The following TTC7B variants were observed in gnomAD, a reference collection of about 807,000 sequenced individuals.
The protein encoded by TTC7B is tetratricopeptide repeat protein 7B.
A neutral mutation model predicts 106.8 loss-of-function variants in TTC7B; 28 were observed. That is an observed-to-expected ratio of 0.26 (90% CI 0.19 to 0.36). The LOEUF (loss-of-function observed/expected upper bound fraction) is 0.36. Among genes scored for constraint, TTC7B ranks in the 10% least tolerant of loss-of-function variants. The pLI is 1.00. For synonymous variants in TTC7B, 405 were observed against 430.6 expected, an observed-to-expected ratio of 0.94 and a Z score of 0.74; for missense variants, 862 against 1,076.4, an observed-to-expected ratio of 0.80 and a Z score of 2.79.
chr14:90,682,635 C>A (rs757130450), intron 7 of TTC7B, among the ~76,000 whole-genome samples: 2 of 152,172 alleles, frequency 1.3e-5, no homozygotes, highest in Admixed American at 6.5e-5. Context: ...GGGGGAGATA[C>A]TGGGGTACCC....
At position 90,529,988 on chromosome 14, in the gene TTC7B, G is replaced by A. The variant is rs1889244049; in HGVS notation, c.*11380C>T. 1 of 152,198 alleles carries A rather than the reference G, an allele frequency of 6.6e-6. No homozygotes were observed. The highest frequency in any genetic ancestry group is 1.5e-5 in the Non-Finnish European group (1 of 68,042). 9.4% of individuals were successfully genotyped at this position (152,198 alleles called of 1,614,324 possible). A position where few individuals can be genotyped will look rare whatever the true frequency, so the allele number is the denominator to read the frequency against. On this transcript the variant is annotated 3_prime_UTR_variant, in exon 20 of 20. Transcript: ENST00000328459. Reference sequence around the variant, plus strand: ...TTCATTAAATATCTATACTTGGCTGGGCGCTGTGGCTCACGCCTGTAAGTA... The same window carrying A: ...TTCATTAAATATCTATACTTGGCTGAGCGCTGTGGCTCACGCCTGTAAGTA...
chr14:90,587,734 C>T (rs1198275084), intron 18 of TTC7B, among the ~76,000 whole-genome samples: 1 of 152,218 alleles, frequency 6.6e-6, no homozygotes, highest in East Asian at 1.9e-4. Flanking sequence ...GACTCCAGTG[C>T]CTCGCTCCAC....
At chr14:90,558,529 C>T (rs1055817199) in intron 19 of TTC7B, among the ~76,000 whole-genome samples, 2 of 152,276 alleles carry the variant, frequency 1.3e-5, no homozygotes, top group Non-Finnish European at 2.9e-5. Context: ...TCCCCCATCA[C>T]TGCCAGGGTT....
Position 90,572,535 on chromosome 14 carries a change from C to T in TTC7B, c.2310+5571G>A, listed in dbSNP as rs144017382. Among the ~76,000 whole-genome samples the T allele has an allele frequency of 5.1e-3, 774 of 152,304 alleles. 3 individuals carry two copies. The highest frequency in any genetic ancestry group is 0.014 in the Middle Eastern group (4 of 294). ...ACTAATGTAGTCCCTTGAAATAGAA[C>T]GGCAGAGCCAGTCCTCAAGTTTTTA... On this transcript the variant is annotated intron_variant, in intron 19 of 19. Coordinates refer to ENST00000328459, the MANE Select transcript of TTC7B (RefSeq NM_001010854.2).
chr14:90,584,671 A>G (rs1434233610), intron 18 of TTC7B, among the ~76,000 whole-genome samples: 1 of 151,236 alleles, frequency 6.6e-6, no homozygotes, highest in Non-Finnish European at 1.5e-5. Flanking sequence ...TGCGCCTGGC[A>G]GAGAAACGTG....
intron 19 of TTC7B, among the ~76,000 whole-genome samples, chr14:90,573,524 G>A (rs1410525165): frequency 8.8e-5 from 11 of 124,964 alleles, no homozygotes; most frequent in Non-Finnish European, 3.4e-5. Context: ...TCCGGCTCAC[G>A]GTCTCTCTCA....
chr14:90,602,449 C>A (rs1027908848), intron 17 of TTC7B, among the ~76,000 whole-genome samples: 1 of 152,214 alleles, frequency 6.6e-6, no homozygotes, highest in Admixed American at 6.5e-5. Flanking sequence ...CGCCTGTAAT[C>A]CCAGCATTTT....
chr14:90,767,043 A>G (rs1426927829), intron 3 of TTC7B: 2,293 of 809,364 alleles, frequency 2.8e-3, no homozygotes, highest in Middle Eastern at 8.8e-3. Context: ...AAAAAAAAAA[A>G]AAGAAAGAAA....
chr14:90,717,309 A>C (rs1888696527), intron 5 of TTC7B, among the ~76,000 whole-genome samples: 1 of 151,708 alleles, frequency 6.6e-6, no homozygotes, highest in Non-Finnish European at 1.5e-5. Flanking sequence ...CCTGCACCCC[A>C]GCCTGGGCAA....
chr14:90,643,728 G>A (rs1032324956), intron 15 of TTC7B, among the ~76,000 whole-genome samples: 4 of 151,770 alleles, frequency 2.6e-5, no homozygotes, highest in Non-Finnish European at 4.4e-5. Context: ...GATTACAGGC[G>A]CCCGCCACCA....
intron 18 of TTC7B, among the ~76,000 whole-genome samples, chr14:90,586,472 G>T (rs1891718476): frequency 6.6e-6 from 1 of 152,094 alleles, no homozygotes; most frequent in Non-Finnish European, 1.5e-5. Flanking sequence ...GTTTCACCAT[G>T]TTGGCCAGGC....
chr14:90,555,624 G>A (rs771967310), intron 19 of TTC7B, among the ~76,000 whole-genome samples: 2 of 152,192 alleles, frequency 1.3e-5, no homozygotes, highest in East Asian at 1.9e-4. Context: ...CAGCCCAGCC[G>A]CCTAACCCAG....
chr14:90,762,669 AT>A (rs1890539598), intron 3 of TTC7B, among the ~76,000 whole-genome samples: 1 of 152,218 alleles, frequency 6.6e-6, no homozygotes, highest in Non-Finnish European at 1.5e-5. Context: ...GCTCTATAAT[AT>A]GAGATGGGCT....
chr14:90,774,184 G>A (rs1199980677), intron 3 of TTC7B, among the ~76,000 whole-genome samples: 1 of 152,140 alleles, frequency 6.6e-6, no homozygotes, highest in African/African-American at 2.4e-5. Flanking sequence ...CGAGATGTCT[G>A]AGGATCACAC....
chr14:90,654,214 G>T (rs1375404558), intron 12 of TTC7B, among the ~76,000 whole-genome samples: 1 of 152,112 alleles, frequency 6.6e-6, no homozygotes, highest in African/African-American at 2.4e-5. Context: ...CCAGGGGGCT[G>T]GCAAGGTTCT....
rs111670994 is a variant in TTC7B at position 90,805,329 on chromosome 14, C to T, written c.121+10846G>A. On this transcript the variant is annotated intron_variant, in intron 1 of 19. Coordinates refer to ENST00000328459, the MANE Select transcript of TTC7B (RefSeq NM_001010854.2). This position sits in a 1 kb window ranked among gnomAD's most constrained non-coding sequence, Gnocchi z 4.0. ...AGTGTGCAGTGGCGCGATCTCGGCT[C>T]ACTGCAACCTCTACCTCCCGGGTTC... 0.041 allele frequency among the ~76,000 whole-genome samples: 6,260 copies of T among 152,280 alleles called. 169 individuals carry two copies. Among genetic ancestry groups the T allele is most frequent in the Non-Finnish European group, 0.058 (3,918 of 68,000 alleles).
chr14:90,723,856 T>A (rs574188421), intron 5 of TTC7B, among the ~76,000 whole-genome samples: 1 of 152,306 alleles, frequency 6.6e-6, no homozygotes, highest in South Asian at 2.1e-4. Flanking sequence ...TTGGCCAACA[T>A]ATACTAGTAC....
intron 17 of TTC7B, among the ~76,000 whole-genome samples, chr14:90,606,532 T>C (rs552884714): frequency 1.1e-4 from 17 of 152,308 alleles, no homozygotes; most frequent in African/African-American, 4.1e-4. Context: ...TTTTTTTCAT[T>C]CTCTATTTAA....
intron 9 of TTC7B, among the ~76,000 whole-genome samples, chr14:90,672,402 C>T (rs1439074272): frequency 1.3e-5 from 2 of 152,200 alleles, no homozygotes; most frequent in Non-Finnish European, 2.9e-5. Context: ...GGTTGTGGTG[C>T]TGACAATCAG....
Sources: allele counts gnomAD v4.1 joint callset (sites outside exome capture counted in the v4.1 genomes callset), GRCh38; gene constraint gnomAD v4.1.1; non-coding constraint Gnocchi (gnomAD v3.1); transcripts MANE v1.5; gene names NCBI Gene and HGNC (gene_info 2026-07-23, HGNC 2026-07-21).